SNTG1: variants seen among roughly 807,000 people sequenced by gnomAD.
SNTG1 encodes the protein syntrophin gamma 1, also known as gamma-1-syntrophin.
SNTG1 carries 39 observed loss-of-function variants against 74.7 expected under a neutral mutation model. The observed-to-expected ratio is 0.52, with a 90% CI of 0.40 to 0.68. SNTG1 has a LOEUF of 0.68. Among genes scored for constraint, SNTG1 ranks in the 30% least tolerant of loss-of-function variants. The probability of loss-of-function intolerance (pLI) is 0.00; values close to 1 mark genes in which losing one functional copy is unlikely to be tolerated. For synonymous variants in SNTG1, 254 were observed against 217.1 expected (o/e 1.17, Z -1.49); for missense variants, 685 against 609.5 (o/e 1.12, Z -1.30).
In SNTG1 at chr8:50,425,627, C is replaced by T. The variant is rs139908710; in HGVS notation, c.163-12916C>T. ...CTTGAATCATTCCTAGTCCAATCCC[C>T]ACCACTTGGTCTGTGGAAAAATCGT... On this transcript the variant is annotated intron_variant, in intron 4 of 18. Coordinates refer to ENST00000642720, the MANE Select transcript of SNTG1 (RefSeq NM_018967.5). Among the ~76,000 whole-genome samples the T allele has an allele frequency of 3.8e-4, 58 of 152,210 alleles. 1 individual carries two copies. The East Asian group carries it at 6.0e-3, about 16-fold the overall frequency.
At chr8:50,587,829 AT>A (rs2094662099) in intron 12 of SNTG1, among the ~76,000 whole-genome samples, 1 of 143,566 alleles carries the variant, frequency 7.0e-6, no homozygotes, top group African/African-American at 2.6e-5. Context: ...AGAAAAAAAA[AT>A]TTAGCGGCTC....
At chr8:50,695,335 C>A (rs1348780128) in intron 15 of SNTG1, among the ~76,000 whole-genome samples, 1 of 151,692 alleles carries the variant, frequency 6.6e-6, no homozygotes, top group Non-Finnish European at 1.5e-5. Context: ...TCAAACAATA[C>A]CGTTTATAAT....
chr8:50,243,213 A>G (rs2086243501), intron 2 of SNTG1, among the ~76,000 whole-genome samples: 3 of 152,210 alleles, frequency 2.0e-5, no homozygotes, highest in South Asian at 4.1e-4. Context: ...AAAATTAATT[A>G]TATTGTAACA....
chr8:50,417,285 C>G (rs144171409), intron 4 of SNTG1, among the ~76,000 whole-genome samples: 1 of 152,044 alleles, frequency 6.6e-6, no homozygotes, highest in Non-Finnish European at 1.5e-5. Context: ...TTATGAAGCA[C>G]GTGCCACATT....
intron 2 of SNTG1, among the ~76,000 whole-genome samples, chr8:50,293,394 A>G (rs1218705581): frequency 1.4e-5 from 2 of 139,856 alleles, no homozygotes; most frequent in East Asian, 2.3e-4. Context: ...GGCCCACCTT[A>G]GTAGGCTTCT....
intron 2 of SNTG1, among the ~76,000 whole-genome samples, chr8:50,301,867 T>TTGTTTTTTG (rs35230024): frequency 6.6e-6 from 1 of 151,428 alleles, no homozygotes; most frequent in South Asian, 2.1e-4. Flanking sequence ...TTTTTGTTTT[T>TTGTTTTTTG]TTTTTTTGAG....
intron 1 of SNTG1, among the ~76,000 whole-genome samples, chr8:49,998,325 A>C (rs1332349301): frequency 6.6e-6 from 1 of 152,154 alleles, no homozygotes; most frequent in Non-Finnish European, 1.5e-5. Flanking sequence ...ATTGTTGTAG[A>C]CTTTATAAAC....
intron 2 of SNTG1, among the ~76,000 whole-genome samples, chr8:50,347,191 T>C (rs747967566): frequency 2.6e-5 from 4 of 152,240 alleles, no homozygotes; most frequent in Admixed American, 2.0e-4. Context: ...TAGGAGCTAA[T>C]GCAGCTTGTG....
Position 50,014,657 on chromosome 8 carries a change from C to A in SNTG1, c.-103+102426C>A, listed in dbSNP as rs549927001. 3.3e-5 allele frequency among the ~76,000 whole-genome samples: 5 copies of A among 152,128 alleles called. No individual in the cohort carries two copies. In the East Asian group the frequency reaches 9.7e-4, roughly 30 times the overall value. On this transcript the variant is annotated intron_variant, in intron 1 of 18. Coordinates refer to ENST00000642720, the MANE Select transcript of SNTG1 (RefSeq NM_018967.5). The stretch of plus-strand genomic sequence containing the variant: ...AAGACATGGACTCACATACAGATCC[C>A]CACGGCAAAGGATAGAGGATCTATA...
At chr8:50,249,981 G>C (rs866176190) in intron 2 of SNTG1, among the ~76,000 whole-genome samples, 7 of 151,092 alleles carry the variant, frequency 4.6e-5, no homozygotes, top group African/African-American at 1.7e-4. Flanking sequence ...TAAATGAAAG[G>C]GTATTTATAA....
rs1057498811 is a variant in SNTG1, at chr8:50,552,954, T to C, written c.681-96T>C. ...ATGAATTTGGAGGCTGATATTTATA[T>C]TGTATGAAAGATAAGCTTTTCAACA... is the stretch of plus-strand genomic sequence containing the variant. On this transcript the variant is annotated intron_variant, in intron 11 of 18. Coordinates refer to ENST00000642720, the MANE Select transcript of SNTG1 (RefSeq NM_018967.5). The C allele has an allele frequency of 4.6e-5, 66 of 1,424,064 alleles. No individual in the cohort carries two copies. In the Admixed American group the frequency reaches 1.4e-3, roughly 30 times the overall value. The allele number at this position is 1,424,064 out of a possible 1,614,324, so 88.2% of individuals were successfully genotyped here.
chr8:50,286,193 A>G (rs2088773272), intron 2 of SNTG1, among the ~76,000 whole-genome samples: 1 of 152,122 alleles, frequency 6.6e-6, no homozygotes, highest in African/African-American at 2.4e-5. Flanking sequence ...AGAGAATGGG[A>G]AAATCTGAGC....
intron 13 of SNTG1, among the ~76,000 whole-genome samples, chr8:50,634,867 A>T (rs28376225): frequency 0.075 from 11,345 of 152,208 alleles, 1,367 homozygotes; most frequent in African/African-American, 0.26. Context: ...GTAACCAAAA[A>T]TATGTTTTCC....
chr8:49,955,674 G>T (rs1030993451), intron 1 of SNTG1, among the ~76,000 whole-genome samples: 1 of 152,122 alleles, frequency 6.6e-6, no homozygotes, highest in East Asian at 1.9e-4. Flanking sequence ...CCCAATATTC[G>T]CATTGGCAGT....
At chr8:50,355,534 C>T (rs1032456749) in intron 2 of SNTG1, among the ~76,000 whole-genome samples, 12 of 152,146 alleles carry the variant, frequency 7.9e-5, no homozygotes, top group Non-Finnish European at 1.5e-4. Context: ...ACATGAAAGG[C>T]GAAATTGATG....
chr8:50,753,840 T>C (rs28630901), intron 18 of SNTG1, among the ~76,000 whole-genome samples: 4 of 151,664 alleles, frequency 2.6e-5, no homozygotes, highest in African/African-American at 9.7e-5. Context: ...ATTTGGTGAG[T>C]TGTTGAAATT....
intron 18 of SNTG1, among the ~76,000 whole-genome samples, chr8:50,784,991 A>T (rs557967022): frequency 6.7e-4 from 102 of 152,296 alleles, no homozygotes; most frequent in African/African-American, 2.1e-3. Context: ...ATTATAAATT[A>T]TTGGGAGATA....
At chr8:50,490,607 T>C (rs2093842793) in intron 8 of SNTG1, among the ~76,000 whole-genome samples, 1 of 152,206 alleles carries the variant, frequency 6.6e-6, no homozygotes, top group Non-Finnish European at 1.5e-5. Flanking sequence ...GAAGTCAATA[T>C]TTGAAAGCAA....
intron 18 of SNTG1, among the ~76,000 whole-genome samples, chr8:50,791,314 A>G (rs959982053): frequency 6.6e-6 from 1 of 152,036 alleles, no homozygotes; most frequent in South Asian, 2.1e-4. Flanking sequence ...TGGTGGAAAT[A>G]TCTAAGGGAA....
Sources: allele counts gnomAD v4.1 joint callset (sites outside exome capture counted in the v4.1 genomes callset), GRCh38; gene constraint gnomAD v4.1.1; transcripts MANE v1.5; gene names NCBI Gene and HGNC (gene_info 2026-07-23, HGNC 2026-07-21).